The following CELSR2 variants were observed in gnomAD, a reference collection of about 807,000 sequenced individuals.
CELSR2 encodes EGF-like protein 2.
Under a neutral mutation model 251.6 loss-of-function variants are expected in CELSR2, and 81 were observed. The ratio of observed to expected loss-of-function variants is 0.32; its 90% CI spans 0.27 to 0.39. The LOEUF (loss-of-function observed/expected upper bound fraction) is 0.39. Among genes scored for constraint, CELSR2 ranks in the 10% least tolerant of loss-of-function variants. CELSR2 has a pLI of 1.00. For missense variants in CELSR2, 3,365 were observed against 3,947.7 expected (o/e 0.85, Z 3.96); for synonymous variants, 1,721 against 1,670.5 (o/e 1.03, Z -0.74).
intron 17 of CELSR2, 80 bp from the exon 18 acceptor site, chr1:109,268,501 C>T: frequency 1.3e-6 from 2 of 1,495,578 alleles, no homozygotes; most frequent in East Asian, 4.8e-5. Context: ...AGGGACTGGC[C>T]CGGGCACAGG....
rs1327811413 is a variant in CELSR2 at position 109,268,755 on chromosome 1, C to G, written c.6493C>G (p.Pro2165Ala). 1.3e-6 allele frequency: 2 copies of G among 1,599,762 alleles called. No homozygotes were observed. Among genetic ancestry groups the G allele is most frequent in the East Asian group, 2.2e-5 (1 of 44,504 alleles). ...CCTAAGCCCCTTCACCATCGTCACG[C>G]CCAACATTGGTAAGGCTGGTGCCTG... ...TYLSPFTIVT[P>A]NIVISVVRLD... The change falls in exon 18 of 34, where the codon CCC becomes GCC. Residue 2165 changes from proline (P) to alanine (A), a missense_variant. Pro to Ala is a conservative substitution (Grantham distance 27, BLOSUM62 -1). This residue lies in a region of CELSR2 where 2,093 missense variants were observed against 2,382.8 expected (regional missense o/e 0.88). Coordinates refer to ENST00000271332, the MANE Select transcript of CELSR2 (RefSeq NM_001408.3).
chr1:109,250,161 C>A lies in CELSR2; in HGVS notation c.82C>A (p.Pro28Thr). The change falls in exon 1 of 34, where the codon CCA becomes ACA. Residue 28 changes from proline (P) to threonine (T), a missense_variant. Coordinates refer to ENST00000271332, the MANE Select transcript of CELSR2 (RefSeq NM_001408.3). This position sits in a 1 kb window ranked among gnomAD's most constrained non-coding sequence, Gnocchi z 4.4. ...LLLLLLLLPP[P>T]LLGDQVGPCR... ...GCTGTTGCTGCTGCTGCTGCCGCCG[C>A]CACTATTGGGAGACCAAGTGGGGCC... 6.3e-7 allele frequency: 1 copy of A among 1,599,966 alleles called. No homozygotes were observed. The highest frequency in any genetic ancestry group is 8.5e-7 in the Non-Finnish European group (1 of 1,175,296).
In CELSR2 at chr1:109,258,701, G is replaced by C; in HGVS notation, c.3580G>C (p.Gly1194Arg). ...SLSVGQPPGP[G>R]GGPPFLPSED... The stretch of plus-strand genomic sequence containing the variant: ...GTCGGTGGGCCAGCCGCCAGGGCCC[G>C]GGGGCGGGCCGCCCTTCCTGCCCTC... Residue 1194 changes from glycine to arginine, a missense_variant, in exon 2 of 34, where the codon GGG (glycine) becomes CGG (arginine). Physicochemically the swap from Gly to Arg is moderately radical, Grantham distance 125. Coordinates refer to ENST00000271332, the MANE Select transcript of CELSR2 (RefSeq NM_001408.3). 1 of 1,549,780 alleles carries C rather than the reference G, an allele frequency of 6.5e-7. No homozygotes were observed. Among genetic ancestry groups the C allele is most frequent in the Non-Finnish European group, 8.7e-7 (1 of 1,146,468 alleles).
rs781287956 is a variant in CELSR2 at position 109,250,445 on chromosome 1, C to T, written c.366C>T (p.His122=). Reference sequence around the variant, plus strand: ...GTCGCCTCCTGGGCATTGGAGGCCACCTTTCCCCACAGGGCAAGCTCACAC... The same window carrying T: ...GTCGCCTCCTGGGCATTGGAGGCCATCTTTCCCCACAGGGCAAGCTCACAC... ...WSCRLLGIGG[H]LSPQGKLTLP... Residue 122 remains histidine (H), a synonymous_variant, in exon 1 of 34, where the codon CAC becomes CAT. Coordinates refer to ENST00000271332, the MANE Select transcript of CELSR2 (RefSeq NM_001408.3). The surrounding 1 kb of genome is among the most constrained non-coding windows in gnomAD (Gnocchi z 4.4). 6.2e-7 allele frequency: 1 copy of T among 1,613,716 alleles called. No individual in the cohort carries two copies. The highest frequency in any genetic ancestry group is 1.6e-4 in the Middle Eastern group (1 of 6,062).
rs1271093276 is a variant in CELSR2, at chr1:109,271,201, C to T, written c.7597-16C>T. 1 of 1,613,102 alleles carries T rather than the reference C, an allele frequency of 6.2e-7. No individual in the cohort carries two copies. Among genetic ancestry groups the T allele is most frequent in the African/African-American group, 1.3e-5 (1 of 75,026 alleles). ...TTGTCCCCACTGAGCACCCCATGCCCTCTGCCCCTGCCTAGATGAGTGTCT... is the reference window on the plus strand; with the variant it reads ...TTGTCCCCACTGAGCACCCCATGCCTTCTGCCCCTGCCTAGATGAGTGTCT... On this transcript the variant is annotated splice_polypyrimidine_tract_variant and intron_variant, in intron 25 of 33. Coordinates refer to ENST00000271332, the MANE Select transcript of CELSR2 (RefSeq NM_001408.3).
At position 109,265,819 on chromosome 1, in the gene CELSR2, C is replaced by T. The variant is rs201415723; in HGVS notation, c.5812C>T (p.Pro1938Ser). 3.6e-5 allele frequency: 58 copies of T among 1,613,998 alleles called. No homozygotes were observed. The highest frequency in any genetic ancestry group is 2.2e-4 in the Admixed American group (13 of 60,006). Residue 1938 changes from proline to serine, a missense_variant, in exon 14 of 34, where the codon CCT (proline) becomes TCT (serine). Pro to Ser is a moderately conservative substitution (Grantham distance 74, BLOSUM62 -1). Around this residue, in one of 5 missense-constraint regions of CELSR2, gnomAD observed 2,093 missense variants for 2,382.8 expected, o/e 0.88. Transcript: ENST00000271332. Reference protein sequence around the residue: ...PTGSLSRVCDPEDGQCPCKPG... With the variant: ...PTGSLSRVCDSEDGQCPCKPG... The stretch of plus-strand genomic sequence containing the variant: ...AGGCTCCTTGTCCAGAGTCTGTGAC[C>T]CTGAGGATGGCCAGTGTCCATGCAA...
Position 109,274,157 on chromosome 1 carries a change from G to T in CELSR2, c.*108G>T. ...CTGCCCCGCTCCCCATCGCCTGCCC[G>T]CAGCAGCGACGAAACGTCCATCTGA... On this transcript the variant is annotated 3_prime_UTR_variant, in exon 34 of 34. Transcript: ENST00000271332. 6.2e-7 allele frequency: 1 copy of T among 1,600,864 alleles called. No individual in the cohort carries two copies. Among genetic ancestry groups the T allele is most frequent in the Non-Finnish European group, 8.5e-7 (1 of 1,175,130 alleles).
At chr1:109,254,396 C>G (rs980371631) in intron 1 of CELSR2, among the ~76,000 whole-genome samples, 5 of 152,178 alleles carry the variant, frequency 3.3e-5, no homozygotes, top group Non-Finnish European at 7.4e-5. Flanking sequence ...CCCTGGACAG[C>G]AGGGCTGGGG....
At position 109,252,561 on chromosome 1, in the gene CELSR2, G is replaced by A. The variant is rs750573929; in HGVS notation, c.2482G>A (p.Val828Met). The A allele has an allele frequency of 5.0e-6, 8 of 1,613,882 alleles. No individual in the cohort carries two copies. The highest frequency in any genetic ancestry group is 6.8e-6 in the Non-Finnish European group (8 of 1,180,034). The change falls in exon 1 of 34, where the codon GTG becomes ATG. Residue 828 changes from valine (V) to methionine (M), a missense_variant. Physicochemically the swap from Val to Met is conservative, Grantham distance 21. Coordinates refer to ENST00000271332, the MANE Select transcript of CELSR2 (RefSeq NM_001408.3). The surrounding 1 kb of genome is among the most constrained non-coding windows in gnomAD (Gnocchi z 4.8). ...DSYQGSVYED[V>M]PPFTSVLQIS... ...CTACCAGGGCAGTGTCTATGAGGAT[G>A]TGCCACCCTTCACTAGCGTCCTGCA...
chr1:109,271,231 G>A lies in CELSR2; in HGVS notation c.7611G>A (p.Leu2537=), dbSNP rs745794997. 9.3e-6 allele frequency: 15 copies of A among 1,613,906 alleles called. No homozygotes were observed. The highest frequency in any genetic ancestry group is 1.1e-5 in the South Asian group (1 of 91,084). The change falls in exon 26 of 34, where the codon CTG becomes CTA. Residue 2537 remains leucine (L), a synonymous_variant. Coordinates refer to ENST00000271332, the MANE Select transcript of CELSR2 (RefSeq NM_001408.3). ...VAFAVSMSVF[L]YILAARASCA... Reference sequence around the variant, plus strand: ...CCCCTGCCTAGATGAGTGTCTTCCTGTACATCCTGGCGGCCCGGGCCTCCT... The same window carrying A: ...CCCCTGCCTAGATGAGTGTCTTCCTATACATCCTGGCGGCCCGGGCCTCCT...
chr1:109,271,124 C>T (rs1362592475), intron 25 of CELSR2, 85 bp downstream of exon 25: 1 of 1,526,170 alleles, frequency 6.6e-7, no homozygotes, highest in African/African-American at 1.4e-5. Flanking sequence ...CCTCAGGACT[C>T]CCTTTAGGAA....
rs1256683514 is a variant in CELSR2 at position 109,251,557 on chromosome 1, T to C, written c.1478T>C (p.Val493Ala). ...TCTAATGTCTCTGGCTTGGTGACAG[T>C]ACAGGTCCTGGATATCAACGACAAT... ...PLSNVSGLVTVQVLDINDNAP... is the reference protein window; with the variant it reads ...PLSNVSGLVTAQVLDINDNAP... The change falls in exon 1 of 34, where the codon GTA becomes GCA. Residue 493 changes from valine (V) to alanine (A), a missense_variant. Around this residue, in one of 5 missense-constraint regions of CELSR2, gnomAD observed 704 missense variants for 784.1 expected, o/e 0.90. Coordinates refer to ENST00000271332, the MANE Select transcript of CELSR2 (RefSeq NM_001408.3). This position sits in a 1 kb window ranked among gnomAD's most constrained non-coding sequence, Gnocchi z 4.9. 6.2e-7 allele frequency: 1 copy of C among 1,613,658 alleles called. No individual in the cohort carries two copies. Among genetic ancestry groups the C allele is most frequent in the Non-Finnish European group, 8.5e-7 (1 of 1,180,016 alleles).
At chr1:109,255,937 C>T (rs1273049062) in intron 1 of CELSR2, among the ~76,000 whole-genome samples, 7 of 152,194 alleles carry the variant, frequency 4.6e-5, no homozygotes, top group Non-Finnish European at 8.8e-5. Flanking sequence ...GGGCCTAAGA[C>T]GATGGCGGTG....
chr1:109,271,647 G>A lies in CELSR2; in HGVS notation c.7851G>A (p.Arg2617=). 5 of 1,614,036 alleles carry A rather than the reference G, an allele frequency of 3.1e-6. No individual in the cohort carries two copies. Among genetic ancestry groups the A allele is most frequent in the Non-Finnish European group, 4.2e-6 (5 of 1,180,040 alleles). Residue 2617 remains arginine, a synonymous_variant, in exon 28 of 34, where the codon CGG becomes CGA. Transcript: ENST00000271332. ...ATGTGGTGCTTAGCAAGGAGGTCCG[G>A]AAAGCACTCAAGCTTGCCTGCAGCC... ...LSYVVLSKEV[R]KALKLACSRK...
Position 109,274,325 on chromosome 1 carries a change from A to G in CELSR2, c.*276A>G, listed in dbSNP as rs1570797653. 1.5e-6 allele frequency: 1 copy of G among 662,642 alleles called. No individual in the cohort carries two copies. Among genetic ancestry groups the G allele is most frequent in the African/African-American group, 1.8e-5 (1 of 55,114 alleles). The allele number at this position is 662,642 out of a possible 1,614,324, so 41.0% of individuals were successfully genotyped here. ...AAAGTTTTTCAGAAAAGAGGAAAAA[A>G]AGAATTTAAAAAAGGATCTCCACTC... On this transcript the variant is annotated 3_prime_UTR_variant, in exon 34 of 34. Coordinates refer to ENST00000271332, the MANE Select transcript of CELSR2 (RefSeq NM_001408.3).
Position 109,262,396 on chromosome 1 carries a change from T to C in CELSR2, c.4496T>C (p.Leu1499Pro). The stretch of plus-strand genomic sequence containing the variant: ...GTGGCCTTGCGCTTCGGATCTGTCC[T>C]GGGCAACTACTCCTGTGCTGCCCAG... ...TGVALRFGSV[L>P]GNYSCAAQGT... Residue 1499 changes from leucine (L) to proline (P), a missense_variant, in exon 6 of 34, where the codon CTG (leucine) becomes CCG (proline). Leu to Pro is a moderately conservative substitution (Grantham distance 98). Coordinates refer to ENST00000271332, the MANE Select transcript of CELSR2 (RefSeq NM_001408.3). The C allele has an allele frequency of 1.9e-6, 3 of 1,614,152 alleles. No individual in the cohort carries two copies. Among genetic ancestry groups the C allele is most frequent in the Non-Finnish European group, 2.5e-6 (3 of 1,180,030 alleles).
chr1:109,271,327 G>A, intron 26 of CELSR2, 31 bp downstream of exon 26: 1 of 1,613,786 alleles, frequency 6.2e-7, no homozygotes, highest in African/African-American at 1.3e-5. Flanking sequence ...CCTGGGCCAT[G>A]GGCAGGCACC....
chr1:109,252,127 T>G lies in CELSR2; in HGVS notation c.2048T>G (p.Leu683Trp). 1 of 1,614,082 alleles carries G rather than the reference T, an allele frequency of 6.2e-7. No individual in the cohort carries two copies. The highest frequency in any genetic ancestry group is 8.5e-7 in the Non-Finnish European group (1 of 1,180,030). Residue 683 changes from leucine to tryptophan, a missense_variant, in exon 1 of 34, where the codon TTG (leucine) becomes TGG (tryptophan). Physicochemically the swap from Leu to Trp is moderately conservative, Grantham distance 61. Coordinates refer to ENST00000271332, the MANE Select transcript of CELSR2 (RefSeq NM_001408.3). The surrounding 1 kb of genome is among the most constrained non-coding windows in gnomAD (Gnocchi z 4.8). ...TACAAACTTGAGCGGCAGTATGTGT[T>G]GGCTGTTACCGCCTCCGATGGCACT... ...LDYKLERQYVLAVTASDGTRQ... is the reference protein window; with the variant it reads ...LDYKLERQYVWAVTASDGTRQ...
chr1:109,271,651 G>A lies in CELSR2; in HGVS notation c.7855G>A (p.Ala2619Thr). The change falls in exon 28 of 34, where the codon GCA (alanine) becomes ACA (threonine). Residue 2619 changes from alanine to threonine, a missense_variant. Physicochemically the swap from Ala to Thr is moderately conservative, Grantham distance 58. Transcript: ENST00000271332. ...YVVLSKEVRK[A>T]LKLACSRKPS... ...GGTGCTTAGCAAGGAGGTCCGGAAA[G>A]CACTCAAGCTTGCCTGCAGCCGCAA... 1.2e-6 allele frequency: 2 copies of A among 1,614,052 alleles called. No individual in the cohort carries two copies. The highest frequency in any genetic ancestry group is 1.3e-5 in the African/African-American group (1 of 75,042).
Sources: allele counts gnomAD v4.1 joint callset (sites outside exome capture counted in the v4.1 genomes callset), GRCh38; gene constraint gnomAD v4.1.1; regional missense constraint gnomAD v4.1.1; non-coding constraint Gnocchi (gnomAD v3.1); transcripts MANE v1.5; gene names NCBI Gene and HGNC (gene_info 2026-07-23, HGNC 2026-07-21).